The following UBE2W variants were observed in gnomAD, a reference collection of about 807,000 sequenced individuals.
The protein encoded by UBE2W is ubiquitin conjugating enzyme E2 W.
A neutral mutation model predicts 27.2 loss-of-function variants in UBE2W; 18 were observed. That is an observed-to-expected ratio of 0.66 (90% CI 0.46 to 0.98). The LOEUF is 0.98. Ranked by LOEUF, UBE2W falls within the 50% of genes least tolerant of loss-of-function variation. The pLI is 0.00. For missense variants in UBE2W, 90 were observed against 180.2 expected (o/e 0.50, Z 2.87); for synonymous variants, 53 against 57.2 (o/e 0.93, Z 0.33).
intron 2 of UBE2W, among the ~76,000 whole-genome samples, chr8:73,829,130 A>G (rs751130708): frequency 6.6e-6 from 1 of 152,172 alleles, no homozygotes; most frequent in Non-Finnish European, 1.5e-5. Context: ...TTTGGCTGTT[A>G]TAATTTGTGG....
At chr8:73,844,403 C>G (rs558680754) in intron 1 of UBE2W, among the ~76,000 whole-genome samples, 1 of 152,356 alleles carries the variant, frequency 6.6e-6, no homozygotes, top group Non-Finnish European at 1.5e-5. Flanking sequence ...CCAGCCTCGG[C>G]CTCCCGAGGT....
chr8:73,856,129 T>C (rs1811287713), intron 1 of UBE2W, among the ~76,000 whole-genome samples: 1 of 152,198 alleles, frequency 6.6e-6, no homozygotes, highest in Non-Finnish European at 1.5e-5. Context: ...GTAATAAATT[T>C]GGTTTTAGTA....
intron 3 of UBE2W, among the ~76,000 whole-genome samples, chr8:73,813,839 G>A (rs1009708338): frequency 6.6e-6 from 1 of 151,016 alleles, no homozygotes; most frequent in Admixed American, 6.6e-5. Context: ...TGCAATCCCC[G>A]CCTCCCAGGT....
rs750917639 is a variant in UBE2W, at chr8:73,794,099, G to A, written c.*3C>T. ...TTCTGCTAGGAGGATGATAACAGTG[G>A]CATCAACAAGTATCATCTTTAAGAA... On this transcript the variant is annotated 3_prime_UTR_variant, in exon 6 of 6. Coordinates refer to ENST00000602593, the MANE Select transcript of UBE2W (RefSeq NM_018299.6). 14 of 1,613,100 alleles carry A rather than the reference G, an allele frequency of 8.7e-6. No homozygotes were observed. Among genetic ancestry groups the A allele is most frequent in the Non-Finnish European group, 1.0e-5 (12 of 1,179,606 alleles).
At chr8:73,854,465 T>C (rs949858557) in intron 1 of UBE2W, among the ~76,000 whole-genome samples, 1 of 152,186 alleles carries the variant, frequency 6.6e-6, no homozygotes, top group Admixed American at 6.5e-5. Flanking sequence ...ATCTGGTGAT[T>C]TGTATTATAA....
At chr8:73,819,928 T>C (rs1173866588) in intron 3 of UBE2W, among the ~76,000 whole-genome samples, 2 of 152,238 alleles carry the variant, frequency 1.3e-5, no homozygotes, top group African/African-American at 4.8e-5. Flanking sequence ...TCTACTCTTG[T>C]AACTAGTGAT....
At chr8:73,844,955 C>T (rs944594926) in intron 1 of UBE2W, among the ~76,000 whole-genome samples, 193 of 151,948 alleles carry the variant, frequency 1.3e-3, no homozygotes, top group Middle Eastern at 3.4e-3. Flanking sequence ...GCCTGGCAGC[C>T]GCCCCGTCTG....
rs911170611 is a variant in UBE2W, at chr8:73,786,811, C to G, written c.*7291G>C. 7 of 985,228 alleles carry G rather than the reference C, an allele frequency of 7.1e-6. No homozygotes were observed. The highest frequency in any genetic ancestry group is 8.4e-6 in the Non-Finnish European group (7 of 829,932). 61.0% of individuals were successfully genotyped at this position (985,228 alleles called of 1,614,324 possible). A position where few individuals can be genotyped will look rare whatever the true frequency, so the allele number is the denominator to read the frequency against. ...TACACTCAACAGGACTTGAAAAATGCAAGGAGAGGACTACTGAGTATCATT... is the reference window on the plus strand; with the variant it reads ...TACACTCAACAGGACTTGAAAAATGGAAGGAGAGGACTACTGAGTATCATT... On this transcript the variant is annotated 3_prime_UTR_variant, in exon 6 of 6. Transcript: ENST00000602593.
chr8:73,841,133 G>C (rs1810518205), intron 1 of UBE2W, among the ~76,000 whole-genome samples: 1 of 152,170 alleles, frequency 6.6e-6, no homozygotes, highest in Admixed American at 6.5e-5. Flanking sequence ...AAATAGGAGG[G>C]TATGATGGAA....
chr8:73,863,758 A>G (rs1455279074), intron 1 of UBE2W, among the ~76,000 whole-genome samples: 1 of 152,072 alleles, frequency 6.6e-6, no homozygotes, highest in East Asian at 1.9e-4. Context: ...CATCTCAAAA[A>G]AAGAATTAGC....
intron 1 of UBE2W, among the ~76,000 whole-genome samples, chr8:73,854,856 A>T (rs1811221396): frequency 6.6e-6 from 1 of 152,236 alleles, no homozygotes; most frequent in Non-Finnish European, 1.5e-5. Context: ...GTCAATTAAC[A>T]TGTTTTGTAT....
At position 73,786,888 on chromosome 8, in the gene UBE2W, A is replaced by G. The variant is rs1253748552; in HGVS notation, c.*7214T>C. On this transcript the variant is annotated 3_prime_UTR_variant, in exon 6 of 6. Transcript: ENST00000602593. ...ATTAAATTATAACAGGATAAAAGAA[A>G]TATGTTTTCATTGAGGTATGGAAAC... 3 of 985,200 alleles carry G rather than the reference A, an allele frequency of 3.0e-6. No homozygotes were observed. The highest frequency in any genetic ancestry group is 1.7e-5 in the African/African-American group (1 of 57,242). The allele number at this position is 985,200 out of a possible 1,614,324, so 61.0% of individuals were successfully genotyped here.
intron 1 of UBE2W, among the ~76,000 whole-genome samples, chr8:73,869,328 C>A (rs368256288): frequency 4.8e-4 from 73 of 152,222 alleles, no homozygotes; most frequent in African/African-American, 1.7e-3. Flanking sequence ...GAGGCCGAGG[C>A]GGGCGGATCA....
intron 1 of UBE2W, among the ~76,000 whole-genome samples, chr8:73,833,471 G>A (rs192702671): frequency 2.6e-3 from 400 of 151,980 alleles, no homozygotes; most frequent in African/African-American, 8.6e-3. Context: ...AATGAACATC[G>A]TTTATAGTAG....
intron 5 of UBE2W, among the ~76,000 whole-genome samples, chr8:73,794,518 G>T (rs1196050370): frequency 6.6e-6 from 1 of 152,168 alleles, no homozygotes; most frequent in African/African-American, 2.4e-5. Context: ...TACACAATTT[G>T]TCTTTAGACT....
downstream of UBE2W, among the ~76,000 whole-genome samples, chr8:73,783,341 T>G (rs1320848990): frequency 6.6e-6 from 1 of 152,210 alleles, no homozygotes; most frequent in Non-Finnish European, 1.5e-5. Context: ...GTTTTTGCTC[T>G]CAATTTAGGT....
chr8:73,781,366 TC>T (rs1020084982), downstream of UBE2W, among the ~76,000 whole-genome samples: 2 of 151,996 alleles, frequency 1.3e-5, no homozygotes. Flanking sequence ...ACTAAATATT[TC>T]ACTATCATTG....
At chr8:73,866,268 TAAA>T (rs10568367) in intron 1 of UBE2W, among the ~76,000 whole-genome samples, 438 of 42,186 alleles carry the variant, frequency 0.01, 3 homozygotes, top group Middle Eastern at 0.059. Context: ...AGACTTGGTC[TAAA>T]AAAAAAAAAA....
chr8:73,810,100 AG>A (rs981070976), intron 4 of UBE2W, among the ~76,000 whole-genome samples: 1 of 152,126 alleles, frequency 6.6e-6, no homozygotes, highest in Non-Finnish European at 1.5e-5. Context: ...GAGCTGGCAG[AG>A]GGGAGAAGGA....
Sources: allele counts gnomAD v4.1 joint callset (sites outside exome capture counted in the v4.1 genomes callset), GRCh38; gene constraint gnomAD v4.1.1; transcripts MANE v1.5; gene names NCBI Gene and HGNC (gene_info 2026-07-23, HGNC 2026-07-21).